The following FGF12 variants were observed in gnomAD, a reference collection of about 807,000 sequenced individuals.
FGF12 encodes the protein fibroblast growth factor 12B.
A neutral mutation model predicts 23.6 loss-of-function variants in FGF12; 14 were observed. The observed-to-expected ratio is 0.59, with a 90% CI of 0.39 to 0.93. The LOEUF (loss-of-function observed/expected upper bound fraction) is 0.93, where lower values mean the gene tolerates loss of function less well. FGF12 is among the 40% of genes least tolerant of loss of function. The probability of loss-of-function intolerance (pLI) is 0.00; values close to 1 mark genes in which losing one functional copy is unlikely to be tolerated. For synonymous variants in FGF12, 62 were observed against 77.3 expected, an observed-to-expected ratio of 0.80 and a Z score of 1.04; for missense variants, 175 against 217.8, an observed-to-expected ratio of 0.80 and a Z score of 1.24.
intron 2 of FGF12, among the ~76,000 whole-genome samples, chr3:192,469,279 T>C (rs1322878393): frequency 2.0e-5 from 3 of 152,134 alleles, no homozygotes; most frequent in Non-Finnish European, 2.9e-5. Context: ...ATAAACAGAG[T>C]GCCTCTGTTT....
At chr3:192,707,512 C>A (rs1280233223) in intron 2 of FGF12, among the ~76,000 whole-genome samples, 1 of 152,110 alleles carries the variant, frequency 6.6e-6, no homozygotes, top group Non-Finnish European at 1.5e-5. Flanking sequence ...CTTTGGGAGG[C>A]TGAGGCAAAT....
At chr3:192,313,942 G>A (rs2108675571) in intron 4 of FGF12, among the ~76,000 whole-genome samples, 1 of 152,310 alleles carries the variant, frequency 6.6e-6, no homozygotes, top group East Asian at 1.9e-4. Flanking sequence ...TCTGGAGGTG[G>A]AGACTTAGAG....
chr3:192,703,975 G>A (rs1718385535), intron 2 of FGF12, among the ~76,000 whole-genome samples: 1 of 152,298 alleles, frequency 6.6e-6, no homozygotes, highest in Non-Finnish European at 1.5e-5. Flanking sequence ...AAAGCACTGG[G>A]ATTATAGACA....
At chr3:192,518,024 G>T (rs1278524032) in intron 2 of FGF12, among the ~76,000 whole-genome samples, 1 of 152,106 alleles carries the variant, frequency 6.6e-6, no homozygotes, top group Non-Finnish European at 1.5e-5. Context: ...ATGTATTTTA[G>T]TTTGAACAAG....
chr3:192,709,895 G>A (rs904303450), intron 2 of FGF12, among the ~76,000 whole-genome samples: 1 of 152,160 alleles, frequency 6.6e-6, no homozygotes, highest in African/African-American at 2.4e-5. Flanking sequence ...GGTTCATGAG[G>A]TCAGTCTCTT....
At chr3:192,510,018 G>C (rs1056340705) in intron 2 of FGF12, among the ~76,000 whole-genome samples, 1 of 152,096 alleles carries the variant, frequency 6.6e-6, no homozygotes, top group African/African-American at 2.4e-5. Flanking sequence ...GTCATACGGC[G>C]GGGCTCTTCA....
At chr3:192,656,770 T>C (rs1387917136) in intron 2 of FGF12, among the ~76,000 whole-genome samples, 3 of 152,182 alleles carry the variant, frequency 2.0e-5, no homozygotes, top group Non-Finnish European at 2.9e-5. Flanking sequence ...CACCTAGCAG[T>C]GTAGGCTCAT....
intron 2 of FGF12, among the ~76,000 whole-genome samples, chr3:192,608,742 G>A (rs1714440130): frequency 6.6e-6 from 1 of 152,046 alleles, no homozygotes. Flanking sequence ...ATTGCTGACG[G>A]TTAAATAATT....
At position 192,626,715 on chromosome 3, in the gene FGF12, C is replaced by T. The variant is rs896771073; in HGVS notation, c.13+100466G>A. On this transcript the variant is annotated intron_variant, in intron 2 of 5. Transcript: ENST00000445105. ...GCAGCCTCCAACTCCTGGGCTCAAA[C>T]GGTCCTCCCACCTCAGCCTCCTCAG... Among the ~76,000 whole-genome samples the T allele has an allele frequency of 3.3e-5, 5 of 152,228 alleles. No homozygotes were observed. The East Asian group carries it at 5.8e-4, about 18-fold the overall frequency.
chr3:192,477,892 C>CT (rs1723371813), intron 2 of FGF12, among the ~76,000 whole-genome samples: 1 of 152,156 alleles, frequency 6.6e-6, no homozygotes, highest in Non-Finnish European at 1.5e-5. Context: ...TAATCAGGAG[C>CT]TAAGTGGTTG....
At chr3:192,240,602 G>A (rs1265132197) in intron 4 of FGF12, among the ~76,000 whole-genome samples, 2 of 152,110 alleles carry the variant, frequency 1.3e-5, no homozygotes, top group Non-Finnish European at 2.9e-5. Flanking sequence ...ATGACCTAGT[G>A]CACAGTGATT....
At chr3:192,188,463 G>A (rs1218264732) in intron 4 of FGF12, among the ~76,000 whole-genome samples, 1 of 152,132 alleles carries the variant, frequency 6.6e-6, no homozygotes, top group African/African-American at 2.4e-5. Context: ...CAGTTGGTGG[G>A]ACCAAGAAAG....
intron 5 of FGF12, among the ~76,000 whole-genome samples, chr3:192,158,851 C>T (rs1035832669): frequency 6.6e-6 from 1 of 151,880 alleles, no homozygotes; most frequent in Non-Finnish European, 1.5e-5. Flanking sequence ...ACATCTGCCC[C>T]CACGTGTTCT....
At chr3:192,252,830 A>T (rs1712127381) in intron 4 of FGF12, among the ~76,000 whole-genome samples, 1 of 152,172 alleles carries the variant, frequency 6.6e-6, no homozygotes, top group South Asian at 2.1e-4. Flanking sequence ...GCCCCTAAAA[A>T]GATTAATTAT....
intron 2 of FGF12, among the ~76,000 whole-genome samples, chr3:192,645,754 T>C (rs1715980331): frequency 8.1e-6 from 1 of 123,294 alleles, no homozygotes; most frequent in Non-Finnish European, 1.6e-5. Context: ...GATACAGCAG[T>C]TGACAAAACA....
chr3:192,657,635 T>C (rs1435578190), intron 2 of FGF12, among the ~76,000 whole-genome samples: 3 of 152,158 alleles, frequency 2.0e-5, no homozygotes, highest in Non-Finnish European at 4.4e-5. Context: ...ATCTATGAGA[T>C]TCGGACTCAT....
At chr3:192,215,607 C>T (rs1028010608) in intron 4 of FGF12, among the ~76,000 whole-genome samples, 2 of 152,134 alleles carry the variant, frequency 1.3e-5, no homozygotes, top group African/African-American at 4.8e-5. Flanking sequence ...AACACTCCTG[C>T]CGACTCTGTA....
At chr3:192,248,359 C>G (rs1185260957) in intron 4 of FGF12, among the ~76,000 whole-genome samples, 1 of 152,172 alleles carries the variant, frequency 6.6e-6, no homozygotes, top group African/African-American at 2.4e-5. Flanking sequence ...CAGCTGCTTT[C>G]ACCTATCCTG....
chr3:192,479,091 C>A (rs923494300), intron 2 of FGF12, among the ~76,000 whole-genome samples: 1 of 152,172 alleles, frequency 6.6e-6, no homozygotes, highest in Admixed American at 6.5e-5. Flanking sequence ...AAGCCAAATT[C>A]TTCCCTTCTT....
Sources: allele counts gnomAD v4.1 joint callset (sites outside exome capture counted in the v4.1 genomes callset), GRCh38; gene constraint gnomAD v4.1.1; transcripts MANE v1.5; gene names NCBI Gene and HGNC (gene_info 2026-07-23, HGNC 2026-07-21).